Variants in PWWP2A observed in about 807,000 individuals in gnomAD.
PWWP2A encodes the protein PWWP domain-containing protein 2A.
A neutral mutation model predicts 48.5 loss-of-function variants in PWWP2A; 18 were observed. The observed-to-expected ratio is 0.37, with a 90% CI of 0.26 to 0.55. The LOEUF is 0.55. PWWP2A is among the 20% of genes least tolerant of loss of function. PWWP2A has a pLI of 0.81. For synonymous variants in PWWP2A, 396 were observed against 387.7 expected (o/e 1.02, Z -0.25); for missense variants, 867 against 976.4 (o/e 0.89, Z 1.49).
At chr5:160,069,279 A>G (rs1221447873) in intron 2 of PWWP2A, among the ~76,000 whole-genome samples, 1 of 151,658 alleles carries the variant, frequency 6.6e-6, no homozygotes, top group Non-Finnish European at 1.5e-5. Flanking sequence ...AGTGAAACCA[A>G]CCTATCTAAA....
intron 1 of PWWP2A, among the ~76,000 whole-genome samples, chr5:160,104,480 T>G (rs1211727858): frequency 2.0e-5 from 3 of 150,852 alleles, no homozygotes; most frequent in Non-Finnish European, 2.9e-5. Context: ...TTCTGTCTAG[T>G]GATGTAATTA....
At chr5:160,088,511 A>C (rs1754821094), downstream of PWWP2A, among the ~76,000 whole-genome samples, 1 of 152,170 alleles carries the variant, frequency 6.6e-6, no homozygotes, top group Non-Finnish European at 1.5e-5. Context: ...CAGCCTCCCT[A>C]AGTGCTGGGA....
chr5:160,073,162 A>T (rs1278573003), downstream of PWWP2A, among the ~76,000 whole-genome samples: 1 of 152,122 alleles, frequency 6.6e-6, no homozygotes, highest in Non-Finnish European at 1.5e-5. Context: ...TCATTGATAG[A>T]ACTGATAACA....
At chr5:160,072,931 G>T (rs1753774395), downstream of PWWP2A, among the ~76,000 whole-genome samples, 1 of 146,552 alleles carries the variant, frequency 6.8e-6, no homozygotes, top group South Asian at 2.2e-4. Flanking sequence ...TTGAACCTGG[G>T]AGGCGGAAGT....
downstream of PWWP2A, chr5:160,090,504 T>C: frequency 1.0e-6 from 1 of 984,272 alleles, no homozygotes; most frequent in Non-Finnish European, 1.2e-6. Context: ...TATAGTTGTT[T>C]CTGTTTGCAG....
chr5:160,065,572 C>A (rs950057206), intron 4 of PWWP2A: 1 of 346,568 alleles, frequency 2.9e-6, no homozygotes, highest in Admixed American at 3.9e-5. Flanking sequence ...AATTTTGTCA[C>A]GTAACGACAA....
rs553212295 is a variant in PWWP2A at position 160,097,139 on chromosome 5, C to G, written c.585-3074G>C. Among the ~76,000 whole-genome samples the G allele has an allele frequency of 3.0e-4, 46 of 151,488 alleles. 1 individual carries two copies. The South Asian group carries it at 9.6e-3, about 32-fold the overall frequency. On this transcript the variant is annotated intron_variant, in intron 1 of 1. Coordinates refer to ENST00000307063, the MANE Select transcript of PWWP2A (RefSeq NM_001130864.2). ...ATTGCTTGAGCCCAGGAGTTTGAGACCAGCCTGGGCAACATAGGAAGACTC... is the reference window on the plus strand; with the variant it reads ...ATTGCTTGAGCCCAGGAGTTTGAGAGCAGCCTGGGCAACATAGGAAGACTC...
intron 4 of PWWP2A, chr5:160,065,325 G>A (rs1753573488): frequency 1.7e-6 from 1 of 594,094 alleles, no homozygotes; most frequent in Non-Finnish European, 3.1e-6. Flanking sequence ...CCTATGTCCA[G>A]GAAGAAGCCC....
intron 2 of PWWP2A, among the ~76,000 whole-genome samples, chr5:160,085,860 C>A (rs902556240): frequency 1.1e-4 from 16 of 150,556 alleles, no homozygotes; most frequent in Admixed American, 1.0e-3. Context: ...ACTCTGTCAT[C>A]CAGGCTGGAA....
chr5:160,100,433 C>G (rs1316939016), intron 1 of PWWP2A, among the ~76,000 whole-genome samples: 2 of 152,090 alleles, frequency 1.3e-5, no homozygotes, highest in South Asian at 2.1e-4. Flanking sequence ...CCAATGCACT[C>G]CAGCCTGGGT....
rs1011981220 is a variant in PWWP2A, at chr5:160,118,993, C to G, written c.396G>C (p.Glu132Asp). The G allele has an allele frequency of 6.3e-7, 1 of 1,595,784 alleles. No individual in the cohort carries two copies. Among genetic ancestry groups the G allele is most frequent in the African/African-American group, 1.4e-5 (1 of 72,998 alleles). The change falls in exon 1 of 2, where the codon GAG becomes GAC. Residue 132 changes from glutamate to aspartate, a missense_variant. By Grantham distance (45) the Glu-to-Asp change is conservative. This residue lies in a region of PWWP2A where 385 missense variants were observed against 396.9 expected (regional missense o/e 0.97). Transcript: ENST00000307063. ...EQPPAPEERE[E>D]PPLPQPVAPA... ...GGGCTACGGGCTGAGGCAGCGGCGG[C>G]TCCTCGCGCTCCTCGGGAGCCGGGG...
chr5:160,064,837 T>C, intron 4 of PWWP2A: 3 of 1,324,758 alleles, frequency 2.3e-6, no homozygotes, highest in Non-Finnish European at 3.1e-6. Flanking sequence ...GAGATACTTT[T>C]ATATTTTGTA....
chr5:160,108,664 C>A (rs747881442), intron 1 of PWWP2A: 9 of 1,037,454 alleles, frequency 8.7e-6, no homozygotes, highest in African/African-American at 4.9e-5. Context: ...TCAAAAAACA[C>A]GTAAATTTTC....
At chr5:160,070,339 G>A (rs1317088344) in intron 2 of PWWP2A, among the ~76,000 whole-genome samples, 2 of 152,074 alleles carry the variant, frequency 1.3e-5, no homozygotes, top group Non-Finnish European at 2.9e-5. Context: ...AAGGCATGGT[G>A]GCACATGCTT....
At chr5:160,090,354 T>C (rs913666985), downstream of PWWP2A, 5 of 984,070 alleles carry the variant, frequency 5.1e-6, no homozygotes, top group East Asian at 2.3e-4. Context: ...TAAGTCTTTC[T>C]GAACTTTAGA....
At chr5:160,102,745 A>G (rs1202117795) in intron 1 of PWWP2A, among the ~76,000 whole-genome samples, 2 of 152,210 alleles carry the variant, frequency 1.3e-5, no homozygotes, top group East Asian at 3.8e-4. Flanking sequence ...CATGGCTATC[A>G]TGGGCCTGCA....
chr5:160,065,474 C>A, intron 4 of PWWP2A: 1 of 453,958 alleles, frequency 2.2e-6, no homozygotes, highest in Non-Finnish European at 4.4e-6. Context: ...CCTCCCTGAT[C>A]ACACAGCTAA....
chr5:160,101,264 T>A (rs1756252637), intron 1 of PWWP2A, among the ~76,000 whole-genome samples: 1 of 151,918 alleles, frequency 6.6e-6, no homozygotes, highest in South Asian at 2.1e-4. Context: ...GCACAAAAAT[T>A]GTGTGAACCC....
Position 160,119,294 on chromosome 5 carries a change from C to T in PWWP2A, c.95G>A (p.Gly32Asp). The T allele has an allele frequency of 7.3e-7, 1 of 1,378,808 alleles. No homozygotes were observed. The highest frequency in any genetic ancestry group is 9.3e-7 in the Non-Finnish European group (1 of 1,073,466). The allele number at this position is 1,378,808 out of a possible 1,614,324, so 85.4% of individuals were successfully genotyped here. ...GAGGGGGTCAGTGCCGGCCTCACTGCCGGGGATGGGCTCCATCTCCGGCTC... is the reference window on the plus strand; with the variant it reads ...GAGGGGGTCAGTGCCGGCCTCACTGTCGGGGATGGGCTCCATCTCCGGCTC... Reference protein sequence around the residue: ...EAEPEMEPIPGSEAGTDPLPV... With the variant: ...EAEPEMEPIPDSEAGTDPLPV... The change falls in exon 1 of 2, where the codon GGC becomes GAC. Residue 32 changes from glycine (G) to aspartate (D), a missense_variant. Physicochemically the swap from Gly to Asp is moderately conservative, Grantham distance 94 (BLOSUM62 -1). This residue lies in a region of PWWP2A where 385 missense variants were observed against 396.9 expected (regional missense o/e 0.97). Coordinates refer to ENST00000307063, the MANE Select transcript of PWWP2A (RefSeq NM_001130864.2).
Sources: gnomAD v4.1 joint callset for allele counts (sites outside exome capture counted in the v4.1 genomes callset) on GRCh38, gnomAD v4.1.1 for gene constraint, gnomAD v4.1.1 regional missense constraint, MANE v1.5 for transcripts, NCBI Gene and HGNC (gene_info 2026-07-23, HGNC 2026-07-21) for gene names.